The following SOX5 variants were observed in gnomAD, a reference collection of about 807,000 sequenced individuals.
The protein encoded by SOX5 is SRY-box transcription factor 5.
SOX5 carries 9 observed loss-of-function variants against 92.0 expected under a neutral mutation model. The ratio of observed to expected loss-of-function variants is 0.10; its 90% CI spans 0.06 to 0.17. The LOEUF is 0.17. Ranked by LOEUF, SOX5 falls within the 10% of genes least tolerant of loss-of-function variation. The pLI, the probability that SOX5 is intolerant of heterozygous loss-of-function variation, is 1.00. For missense variants in SOX5, 642 were observed against 944.5 expected (o/e 0.68, Z 4.20); for synonymous variants, 344 against 336.3 (o/e 1.02, Z -0.25).
At chr12:24,502,628 C>T (rs1948328435) in intron 1 of SOX5, among the ~76,000 whole-genome samples, 2 of 152,190 alleles carry the variant, frequency 1.3e-5, no homozygotes, top group East Asian at 1.9e-4. Context: ...CAAGCAACAT[C>T]TACCAACGGG....
Position 23,530,303 on chromosome 12 carries a change from T to C in SOX5, c.*3916A>G, listed in dbSNP as rs897654726. The C allele has an allele frequency of 6.6e-6, 1 of 152,254 alleles. No homozygotes were observed. The highest frequency in any genetic ancestry group is 2.4e-5 in the African/African-American group (1 of 41,470). The allele number at this position is 152,254 out of a possible 1,614,324, so 9.4% of individuals were successfully genotyped here. A position where few individuals can be genotyped will look rare whatever the true frequency, so the allele number is the denominator to read the frequency against. Reference sequence around the variant, plus strand: ...GTAATTATTTTTTATGTTTTAAATGTGATATAAGAGGTTTCTTCTGGGAAC... The same window carrying C: ...GTAATTATTTTTTATGTTTTAAATGCGATATAAGAGGTTTCTTCTGGGAAC... On this transcript the variant is annotated 3_prime_UTR_variant, in exon 15 of 15. Coordinates refer to ENST00000451604, the MANE Select transcript of SOX5 (RefSeq NM_006940.6).
At chr12:24,434,757 C>T (rs1939073649) in intron 1 of SOX5, among the ~76,000 whole-genome samples, 1 of 152,162 alleles carries the variant, frequency 6.6e-6, no homozygotes, top group Admixed American at 6.5e-5. Flanking sequence ...CTTTGCCTTC[C>T]ACTATGATTG....
chr12:23,573,352 T>C (rs887075916), intron 10 of SOX5, among the ~76,000 whole-genome samples: 26 of 152,192 alleles, frequency 1.7e-4, no homozygotes, highest in Admixed American at 9.8e-4. Context: ...AAACCATTCA[T>C]TAAAACTTCT....
chr12:23,996,563 C>T (rs532861222), intron 4 of SOX5, among the ~76,000 whole-genome samples: 2 of 152,260 alleles, frequency 1.3e-5, no homozygotes, highest in East Asian at 1.9e-4. Flanking sequence ...ACCCCAATAT[C>T]CATCAGCAGA....
intron 2 of SOX5, among the ~76,000 whole-genome samples, chr12:24,349,755 G>A (rs985806411): frequency 2.0e-5 from 3 of 152,134 alleles, no homozygotes; most frequent in Non-Finnish European, 4.4e-5. Context: ...TGTACAAATA[G>A]CTCTTTGAAA....
chr12:24,050,734 T>C (rs893376859), intron 4 of SOX5, among the ~76,000 whole-genome samples: 1 of 152,154 alleles, frequency 6.6e-6, no homozygotes, highest in Admixed American at 6.5e-5. Flanking sequence ...CTCATCTATA[T>C]GGTGACAACA....
At chr12:24,183,818 A>G (rs886086386) in intron 4 of SOX5, among the ~76,000 whole-genome samples, 2 of 152,144 alleles carry the variant, frequency 1.3e-5, no homozygotes, top group Non-Finnish European at 2.9e-5. Flanking sequence ...CTTTCTAACT[A>G]TATGAACTTA....
At chr12:24,520,035 T>C (rs1294594177) in intron 1 of SOX5, among the ~76,000 whole-genome samples, 3 of 149,662 alleles carry the variant, frequency 2.0e-5, no homozygotes, top group Admixed American at 6.6e-5. Context: ...ATTCAAGTAC[T>C]AAAAGAAAAA....
chr12:24,112,962 C>T (rs1947548855), intron 4 of SOX5, among the ~76,000 whole-genome samples: 1 of 151,704 alleles, frequency 6.6e-6, no homozygotes, highest in Non-Finnish European at 1.5e-5. Flanking sequence ...GACTGAAAGC[C>T]ATAAAATATT....
At chr12:24,292,224 T>G (rs80001752) in intron 2 of SOX5, among the ~76,000 whole-genome samples, 3,386 of 152,282 alleles carry the variant, frequency 0.022, 137 homozygotes, top group African/African-American at 0.078. Context: ...TCAGAATCAC[T>G]GACATCAATA....
chr12:23,901,938 CT>C (rs2097238128), intron 1 of SOX5, among the ~76,000 whole-genome samples: 1 of 152,006 alleles, frequency 6.6e-6, no homozygotes, highest in Admixed American at 6.6e-5. Flanking sequence ...TAACAGTATC[CT>C]TTTTTAAATA....
rs750038161 is a variant in SOX5 at position 23,532,814 on chromosome 12, C to A, written c.*1405G>T. 3 of 160,702 alleles carry A rather than the reference C, an allele frequency of 1.9e-5. No homozygotes were observed. The highest frequency in any genetic ancestry group is 4.1e-5 in the Non-Finnish European group (3 of 73,334). 10.0% of individuals were successfully genotyped at this position (160,702 alleles called of 1,614,324 possible). A position where few individuals can be genotyped will look rare whatever the true frequency, so the allele number is the denominator to read the frequency against. On this transcript the variant is annotated 3_prime_UTR_variant, in exon 15 of 15. Transcript: ENST00000451604. ...AAAATCATCAGTTTCATTTCCTGAT[C>A]GGGAAAGGATGGAATGTTGAAGAAA...
At chr12:23,694,390 G>T (rs943437699) in intron 6 of SOX5, among the ~76,000 whole-genome samples, 3 of 151,850 alleles carry the variant, frequency 2.0e-5, no homozygotes, top group African/African-American at 7.3e-5. Context: ...GTTAGAACTT[G>T]TCTATCTTCT....
intron 8 of SOX5, among the ~76,000 whole-genome samples, chr12:23,607,704 G>A (rs2075415743): frequency 6.6e-6 from 1 of 152,090 alleles, no homozygotes; most frequent in Non-Finnish European, 1.5e-5. Flanking sequence ...CCTTGTAGAT[G>A]GGAAAGGGGC....
rs533337484 is a variant in SOX5 at position 23,650,926 on chromosome 12, G to A, written c.932-10029C>T. Among the ~76,000 whole-genome samples, 4 of 152,190 alleles carry A rather than the reference G, an allele frequency of 2.6e-5. No individual in the cohort carries two copies. The East Asian group carries it at 7.7e-4, about 29-fold the overall frequency. Reference sequence around the variant, plus strand: ...AGAAGGAGAGACTGCAGATAGATATGTTAAAAACTATTGCAAATAAATCAA... The same window carrying A: ...AGAAGGAGAGACTGCAGATAGATATATTAAAAACTATTGCAAATAAATCAA... On this transcript the variant is annotated intron_variant, in intron 7 of 14. Coordinates refer to ENST00000451604, the MANE Select transcript of SOX5 (RefSeq NM_006940.6).
At chr12:23,977,853 G>A (rs1949090231) in intron 4 of SOX5, among the ~76,000 whole-genome samples, 1 of 152,268 alleles carries the variant, frequency 6.6e-6, no homozygotes, top group South Asian at 2.1e-4. Context: ...TGTTAGAACT[G>A]TAGTCCAGAT....
intron 4 of SOX5, among the ~76,000 whole-genome samples, chr12:24,188,596 T>TAA (rs540210430): frequency 3.3e-5 from 5 of 151,262 alleles, no homozygotes; most frequent in African/African-American, 1.2e-4. Context: ...CAAGTAGAAA[T>TAA]AAAAAAAACA....
intron 3 of SOX5, among the ~76,000 whole-genome samples, chr12:24,268,541 C>A (rs937599155): frequency 3.6e-4 from 54 of 152,076 alleles, no homozygotes; most frequent in African/African-American, 1.2e-3. Flanking sequence ...AAATGTTACA[C>A]CTTTCAGAAG....
chr12:24,139,701 C>T (rs10743491), intron 4 of SOX5, among the ~76,000 whole-genome samples: 150,645 of 152,316 alleles, frequency 0.99, 74,533 homozygotes, highest in Non-Finnish European at 1. Context: ...ATTTGCTCTC[C>T]ATATTCCCAT....
Sources: allele counts gnomAD v4.1 joint callset (sites outside exome capture counted in the v4.1 genomes callset), GRCh38; gene constraint gnomAD v4.1.1; transcripts MANE v1.5; gene names NCBI Gene and HGNC (gene_info 2026-07-23, HGNC 2026-07-21).